HVCN1: variants seen among roughly 807,000 people sequenced by gnomAD.
HVCN1 encodes the protein voltage-gated hydrogen channel 1.
In HVCN1, 14 loss-of-function variants were observed where a neutral mutation model predicts 29.2. The observed-to-expected ratio is 0.48, with a 90% confidence interval of 0.32 to 0.75. The LOEUF (loss-of-function observed/expected upper bound fraction) is 0.75, where lower values mean the gene tolerates loss of function less well. Ranked by LOEUF, HVCN1 falls within the 30% of genes least tolerant of loss-of-function variation. The probability of loss-of-function intolerance (pLI) is 0.04; values close to 1 mark genes in which losing one functional copy is unlikely to be tolerated. For missense variants in HVCN1, 263 were observed against 341.8 expected (o/e 0.77, Z 1.82); for synonymous variants, 131 against 133.2 (o/e 0.98, Z 0.11).
rs2068761080 is a variant in HVCN1 at position 110,676,687 on chromosome 12, T to C, written c.21+6538A>G. Among the ~76,000 whole-genome samples, 1 of 152,156 alleles carries C rather than the reference T, an allele frequency of 6.6e-6. No homozygotes were observed. The highest frequency in any genetic ancestry group is 1.5e-5 in the Non-Finnish European group (1 of 68,028). ...AACTCCCTGCTGGAGGAAATAAGTGTGACCCCAAGGACCTCTGCCCCCAAC... is the reference window on the plus strand; with the variant it reads ...AACTCCCTGCTGGAGGAAATAAGTGCGACCCCAAGGACCTCTGCCCCCAAC... On this transcript the variant is annotated intron_variant, in intron 3 of 7. Coordinates refer to ENST00000242607, the MANE Select transcript of HVCN1 (RefSeq NM_032369.4). This position sits in a 1 kb window ranked among gnomAD's most constrained non-coding sequence, Gnocchi z 4.1.
intron 2 of HVCN1, among the ~76,000 whole-genome samples, chr12:110,684,552 C>A (rs2069109557): frequency 6.6e-6 from 1 of 152,152 alleles, no homozygotes; most frequent in Non-Finnish European, 1.5e-5. Context: ...CACATTACGG[C>A]AGAGTCTACA....
At position 110,651,293 on chromosome 12, in the gene HVCN1, C is replaced by T; in HGVS notation, c.567G>A (p.Leu189=). 1 of 1,614,146 alleles carries T rather than the reference C, an allele frequency of 6.2e-7. No homozygotes were observed. Among genetic ancestry groups the T allele is most frequent in the Non-Finnish European group, 8.5e-7 (1 of 1,180,012 alleles). The change falls in exon 6 of 8, where the codon CTG becomes CTA. Residue 189 remains leucine, a synonymous_variant. Coordinates refer to ENST00000242607, the MANE Select transcript of HVCN1 (RefSeq NM_032369.4). The part of the protein sequence containing the change: ...VVSFILDIVL[L]FQEHQFEALG... ...GAGCCTCAAACTGGTGCTCCTGGAA[C>T]AGGAGGACAATGTCGAGGATGAATG...
chr12:110,664,158 A>T (rs2068268988), intron 3 of HVCN1, among the ~76,000 whole-genome samples: 1 of 152,156 alleles, frequency 6.6e-6, no homozygotes, highest in Admixed American at 6.5e-5. Context: ...AGGCTAAAAC[A>T]ACCTTCCAGC....
At chr12:110,696,736 C>A (rs1405252690) in intron 2 of HVCN1, among the ~76,000 whole-genome samples, 1 of 152,180 alleles carries the variant, frequency 6.6e-6, no homozygotes, top group Non-Finnish European at 1.5e-5. Context: ...CAAGCGTCAT[C>A]CATGTTGTAG....
At chr12:110,696,955 G>A (rs1463005307) in intron 2 of HVCN1, among the ~76,000 whole-genome samples, 3 of 151,998 alleles carry the variant, frequency 2.0e-5, no homozygotes, top group Admixed American at 1.3e-4. Context: ...AAGTCGGTTG[G>A]GAGTAGGGAA....
intron 3 of HVCN1, among the ~76,000 whole-genome samples, chr12:110,679,280 C>T (rs1442502732): frequency 6.6e-6 from 1 of 152,230 alleles, no homozygotes. Flanking sequence ...CCAAGGGCCT[C>T]TGCATGCCTC....
chr12:110,659,937 G>GCA (rs1373459284), intron 4 of HVCN1, among the ~76,000 whole-genome samples: 2 of 151,940 alleles, frequency 1.3e-5, no homozygotes, highest in Non-Finnish European at 2.9e-5. Context: ...GTGGTGGCAG[G>GCA]CACCTGTAAT....
At chr12:110,651,075 G>C (rs1183124220) in intron 6 of HVCN1, 142 bp downstream of exon 6, 3 of 629,038 alleles carry the variant, frequency 4.8e-6, no homozygotes, top group Non-Finnish European at 8.5e-6. Flanking sequence ...AGGGAGGAGA[G>C]GGAGGTGAGG....
chr12:110,654,711 C>A (rs2067930847), intron 5 of HVCN1, among the ~76,000 whole-genome samples: 1 of 152,124 alleles, frequency 6.6e-6, no homozygotes, highest in Non-Finnish European at 1.5e-5. Context: ...AACTCCTGAC[C>A]TCAGGTGATC....
At chr12:110,699,018 G>C (rs2069533982) in intron 2 of HVCN1, among the ~76,000 whole-genome samples, 1 of 152,188 alleles carries the variant, frequency 6.6e-6, no homozygotes, top group African/African-American at 2.4e-5. Flanking sequence ...ATCCCAGCCA[G>C]TCGGGAGGCT....
At chr12:110,657,405 G>A (rs2068024376) in intron 4 of HVCN1, among the ~76,000 whole-genome samples, 1 of 151,638 alleles carries the variant, frequency 6.6e-6, no homozygotes, top group African/African-American at 2.4e-5. Flanking sequence ...TGAGGTAGGA[G>A]AATCGCTTCA....
At chr12:110,683,121 C>A in intron 3 of HVCN1, 104 bp downstream of exon 3, 1 of 1,450,832 alleles carries the variant, frequency 6.9e-7, no homozygotes, top group Non-Finnish European at 9.7e-7. Flanking sequence ...ATAGTGGAAA[C>A]ACCTGAACAG....
intron 7 of HVCN1, among the ~76,000 whole-genome samples, chr12:110,649,759 A>C (rs1425741017): frequency 6.6e-6 from 1 of 152,172 alleles, no homozygotes; most frequent in Admixed American, 6.5e-5. Context: ...CTGAAAGGAC[A>C]AGGCAGGCTC....
Position 110,649,406 on chromosome 12 carries a change from G to A in HVCN1, c.*4C>T, listed in dbSNP as rs746773382. 1.3e-5 allele frequency: 21 copies of A among 1,605,870 alleles called. No homozygotes were observed. Among genetic ancestry groups the A allele is most frequent in the South Asian group, 1.0e-4 (9 of 90,068 alleles). ...TCTTCTTTTTGAGGGGAGCTGGTCC[G>A]GGTCTAGTTCACTTCACCAAGAAGT... On this transcript the variant is annotated 3_prime_UTR_variant, in exon 8 of 8. Transcript: ENST00000242607.
intron 2 of HVCN1, among the ~76,000 whole-genome samples, chr12:110,701,795 T>G (rs2069566463): frequency 6.6e-6 from 1 of 150,852 alleles, no homozygotes; most frequent in Admixed American, 6.6e-5. Flanking sequence ...AGGCGAAGGT[T>G]GCAGTGAGCT....
At chr12:110,678,309 C>T (rs773780521) in intron 3 of HVCN1, among the ~76,000 whole-genome samples, 3 of 152,170 alleles carry the variant, frequency 2.0e-5, no homozygotes, top group Admixed American at 1.3e-4. Context: ...GAGTTTGGAG[C>T]GGTGTTTCTC....
intron 6 of HVCN1, among the ~76,000 whole-genome samples, chr12:110,650,526 T>C (rs920769871): frequency 6.6e-6 from 1 of 152,174 alleles, no homozygotes; most frequent in Non-Finnish European, 1.5e-5. Context: ...ACTGACAAGA[T>C]GAGCATTAGG....
In HVCN1 at chr12:110,648,800, A is replaced by G. The variant is rs1028892778; in HGVS notation, c.*610T>C. 2.9e-5 allele frequency: 9 copies of G among 315,770 alleles called. No homozygotes were observed. Among genetic ancestry groups the G allele is most frequent in the South Asian group, 2.1e-4 (8 of 38,454 alleles). The allele number at this position is 315,770 out of a possible 1,614,324, so 19.6% of individuals were successfully genotyped here. On this transcript the variant is annotated 3_prime_UTR_variant, in exon 8 of 8. Coordinates refer to ENST00000242607, the MANE Select transcript of HVCN1 (RefSeq NM_032369.4). Reference sequence around the variant, plus strand: ...AGGGTCCAGGGAAAAGAGAGAGTTTATTTTATACAGTAGTTGTTTTATTTT... The same window carrying G: ...AGGGTCCAGGGAAAAGAGAGAGTTTGTTTTATACAGTAGTTGTTTTATTTT...
intron 1 of HVCN1, among the ~76,000 whole-genome samples, chr12:110,703,729 G>T (rs1006121630): frequency 6.6e-6 from 1 of 151,634 alleles, no homozygotes; most frequent in Non-Finnish European, 1.5e-5. Context: ...TCATCGCCTA[G>T]GCTGGAGTGC....
Sources: allele counts gnomAD v4.1 joint callset (sites outside exome capture counted in the v4.1 genomes callset), GRCh38; gene constraint gnomAD v4.1.1; non-coding constraint Gnocchi (gnomAD v3.1); transcripts MANE v1.5; gene names NCBI Gene and HGNC (gene_info 2026-07-23, HGNC 2026-07-21).